Variants in TYRP1 observed in about 807,000 individuals in gnomAD.
TYRP1 encodes tyrosinase related protein 1, also known as 5,6-dihydroxyindole-2-carboxylic acid oxidase.
In TYRP1, 49 loss-of-function variants were observed where a neutral mutation model predicts 42.8. The observed-to-expected ratio is 1.14, with a 90% CI of 0.91 to 1.45. The LOEUF (loss-of-function observed/expected upper bound fraction) is 1.45, where lower values mean the gene tolerates loss of function less well. Ranked by LOEUF, TYRP1 falls within the 40% of genes most tolerant of loss-of-function variation. TYRP1 has a pLI of 0.00. For missense variants in TYRP1, 848 were observed against 662.0 expected (o/e 1.28, Z -3.08); for synonymous variants, 279 against 235.4 (o/e 1.19, Z -1.69).
At chr9:12,702,250 A>G in intron 4 of TYRP1, 21 bp from the exon 5 acceptor site, 2 of 1,612,548 alleles carry the variant, frequency 1.2e-6, no homozygotes, top group East Asian at 2.2e-5. Flanking sequence ...AAATGTTTCC[A>G]CATCCCATTT....
intron 6 of TYRP1, among the ~76,000 whole-genome samples, chr9:12,706,386 A>G (rs1221268363): frequency 6.6e-6 from 1 of 152,054 alleles, no homozygotes; most frequent in African/African-American, 2.4e-5. Flanking sequence ...GGCTGAAAAT[A>G]TAATTATTTC....
intron 3 of TYRP1, among the ~76,000 whole-genome samples, chr9:12,697,580 G>A (rs1818097599): frequency 6.6e-6 from 1 of 152,110 alleles, no homozygotes; most frequent in African/African-American, 2.4e-5. Flanking sequence ...GAGTGCTTGA[G>A]AGATAAGATA....
intron 5 of TYRP1, 115 bp downstream of exon 5, chr9:12,702,553 T>C (rs1818189121): frequency 1.8e-6 from 2 of 1,099,828 alleles, no homozygotes; most frequent in Admixed American, 2.0e-5. Flanking sequence ...TGTGTGTTTA[T>C]GTGAATGAGA....
Position 12,695,832 on chromosome 9 carries a change from A to T in TYRP1, c.703A>T (p.Met235Leu), listed in dbSNP as rs1328038290. The T allele has an allele frequency of 6.2e-7, 1 of 1,613,920 alleles. No individual in the cohort carries two copies. The highest frequency in any genetic ancestry group is 1.1e-5 in the South Asian group (1 of 91,094). The change falls in exon 3 of 8, where the codon ATG (methionine) becomes TTG (leucine). Residue 235 changes from methionine to leucine, a missense_variant. By Grantham distance (15) the Met-to-Leu change is conservative (BLOSUM62 2). Transcript: ENST00000388918. ...CCACCTCCTGCGTCTGGAGAAAGAC[A>T]TGCAGGTATGTAAGAAGCATTTCAG... ...RYHLLRLEKD[M>L]QEMLQEPSFS...
chr9:12,699,488 A>G (rs1818131461), intron 4 of TYRP1, among the ~76,000 whole-genome samples: 1 of 151,954 alleles, frequency 6.6e-6, no homozygotes, highest in African/African-American at 2.4e-5. Flanking sequence ...TTTTCTTATT[A>G]TAATCACCAC....
intron 4 of TYRP1, chr9:12,700,445 C>A (rs1586843491): frequency 6.6e-6 from 1 of 151,942 alleles, no homozygotes; most frequent in East Asian, 1.9e-4. Flanking sequence ...ACCAAAATAC[C>A]ATCTTTGAAT....
intron 7 of TYRP1, 29 bp downstream of exon 7, chr9:12,708,172 G>A (rs771813329): frequency 6.2e-7 from 1 of 1,611,450 alleles, no homozygotes; most frequent in South Asian, 1.1e-5. Context: ...TTTTTACTGT[G>A]ATAATTTCCA....
chr9:12,705,019 A>T (rs566019251), intron 6 of TYRP1, among the ~76,000 whole-genome samples: 2 of 152,142 alleles, frequency 1.3e-5, no homozygotes, highest in African/African-American at 4.8e-5. Context: ...TTCCAACATA[A>T]ATTCTCATTA....
At chr9:12,698,008 A>C (rs1024045335) in intron 3 of TYRP1, among the ~76,000 whole-genome samples, 17 of 152,152 alleles carry the variant, frequency 1.1e-4, no homozygotes, top group Non-Finnish European at 2.5e-4. Flanking sequence ...TTAGCACTCC[A>C]CAAAACATAT....
intron 7 of TYRP1, 115 bp downstream of exon 7, chr9:12,708,258 T>G: frequency 7.7e-7 from 1 of 1,295,920 alleles, no homozygotes; most frequent in Admixed American, 2.0e-5. Flanking sequence ...ACTTGGAAAC[T>G]TTCATTTGTA....
rs756695375 is a variant in TYRP1, at chr9:12,709,163, C to A, written c.1595C>A (p.Pro532His). 12 of 1,612,268 alleles carry A rather than the reference C, an allele frequency of 7.4e-6. No individual in the cohort carries two copies. The South Asian group carries it at 1.1e-4, about 15-fold the overall frequency. Residue 532 changes from proline to histidine, a missense_variant, in exon 8 of 8, where the codon CCT becomes CAT. Pro to His is a moderately conservative substitution (Grantham distance 77). Transcript: ENST00000388918. ...GAAGAATATGAAAAACTCCAGAATC[C>A]TAATCAGTCTGTGGTCTAACAAATG... ...YAEEYEKLQNPNQSVV is the reference protein window; with the variant it reads ...YAEEYEKLQNHNQSVV
At chr9:12,699,844 C>T in intron 4 of TYRP1, among the ~76,000 whole-genome samples, 1 of 151,906 alleles carries the variant, frequency 6.6e-6, no homozygotes, top group East Asian at 1.9e-4. Context: ...TCCCAATCAC[C>T]CTGATGATTG....
intron 6 of TYRP1, among the ~76,000 whole-genome samples, chr9:12,706,335 T>A (rs1192755276): frequency 6.6e-6 from 1 of 152,010 alleles, no homozygotes; most frequent in Non-Finnish European, 1.5e-5. Context: ...TTCTTTCACC[T>A]ATGAAAGAAA....
chr9:12,707,887 A>G, intron 6 of TYRP1, 110 bp from the exon 7 acceptor site: 2 of 1,045,780 alleles, frequency 1.9e-6, no homozygotes, highest in Non-Finnish European at 2.8e-6. Context: ...TAAAATAAGA[A>G]TAAAATTTTT....
chr9:12,710,122 A>G lies in TYRP1; in HGVS notation c.*940A>G, dbSNP rs1410584324. ...GGTCTTCTTTTTTATCTGGTTCTAT[A>G]TGAATGCTATTTTTTCCCTTCTCTT... On this transcript the variant is annotated 3_prime_UTR_variant, in exon 8 of 8. Coordinates refer to ENST00000388918, the MANE Select transcript of TYRP1 (RefSeq NM_000550.3). 6.6e-6 allele frequency: 1 copy of G among 151,702 alleles called. No homozygotes were observed. 9.4% of individuals were successfully genotyped at this position (151,702 alleles called of 1,614,324 possible). A position where few individuals can be genotyped will look rare whatever the true frequency, so the allele number is the denominator to read the frequency against.
chr9:12,694,486 T>C (rs1319244076), intron 2 of TYRP1, 105 bp downstream of exon 2: 8 of 1,382,392 alleles, frequency 5.8e-6, no homozygotes, highest in Non-Finnish European at 8.0e-6. Flanking sequence ...ATCATATAGC[T>C]CAACCCTCTC....
At position 12,708,032 on chromosome 9, in the gene TYRP1, G is replaced by A. The variant is rs1818288077; in HGVS notation, c.1297G>A (p.Gly433Arg). Residue 433 changes from glycine (G) to arginine (R), a missense_variant, in exon 7 of 8, where the codon GGA (glycine) becomes AGA (arginine). Coordinates refer to ENST00000388918, the MANE Select transcript of TYRP1 (RefSeq NM_000550.3). ...ATTTCCATTGGAAAATGCCCCTATTGGACATAATAGACAATACAACATGGT... is the reference window on the plus strand; with the variant it reads ...ATTTCCATTGGAAAATGCCCCTATTAGACATAATAGACAATACAACATGGT... ...STFPLENAPI[G>R]HNRQYNMVPF... 6.2e-7 allele frequency: 1 copy of A among 1,612,380 alleles called. No individual in the cohort carries two copies. Among genetic ancestry groups the A allele is most frequent in the South Asian group, 1.1e-5 (1 of 91,016 alleles).
At chr9:12,705,956 G>A (rs1442531035) in intron 6 of TYRP1, among the ~76,000 whole-genome samples, 2 of 151,968 alleles carry the variant, frequency 1.3e-5, no homozygotes, top group African/African-American at 2.4e-5. Flanking sequence ...TTTTAAAAGT[G>A]AAACAATAAA....
chr9:12,704,665 A>AGAT lies in TYRP1; in HGVS notation c.1223_1225dup (p.Asp408dup). The AGAT allele has an allele frequency of 6.2e-7, 1 of 1,613,072 alleles. No homozygotes were observed. The highest frequency in any genetic ancestry group is 8.5e-7 in the Non-Finnish European group (1 of 1,179,408). On this transcript the variant is annotated inframe_insertion, in exon 6 of 8. Coordinates refer to ENST00000388918, the MANE Select transcript of TYRP1 (RefSeq NM_000550.3). Reference sequence around the variant, plus strand: ...TTTTTGTCCTCCTGCACACCTTCACAGATGCAGTCTTTGATGAATGGCTGA... The same window carrying AGAT: ...TTTTTGTCCTCCTGCACACCTTCACAGATGATGCAGTCTTTGATGAATGGCTGA...
Sources: allele counts gnomAD v4.1 joint callset (sites outside exome capture counted in the v4.1 genomes callset), GRCh38; gene constraint gnomAD v4.1.1; transcripts MANE v1.5; gene names NCBI Gene and HGNC (gene_info 2026-07-23, HGNC 2026-07-21).